Variants in IQANK1 observed in about 807,000 individuals in gnomAD.
IQANK1 encodes the protein IQ motif and ankyrin repeat containing 1.
A neutral mutation model predicts 22.6 loss-of-function variants in IQANK1; 30 were observed. The observed-to-expected ratio is 1.33, with a 90% CI of 0.99 to 1.80. IQANK1 has a LOEUF of 1.80. Among genes scored for constraint, IQANK1 ranks in the 40% most tolerant of loss-of-function variants. The pLI is 0.00. For synonymous variants in IQANK1, 122 were observed against 99.6 expected (o/e 1.23, Z -1.34); for missense variants, 275 against 235.2 (o/e 1.17, Z -1.11).
chr8:143,760,667 G>A (rs1819378677), intron 3 of IQANK1, among the ~76,000 whole-genome samples: 1 of 152,174 alleles, frequency 6.6e-6, no homozygotes, highest in Non-Finnish European at 1.5e-5. Context: ...GGGCGACAGA[G>A]GGAGACCCTG....
At chr8:143,776,291 G>A (rs1321319685) in intron 7 of IQANK1, among the ~76,000 whole-genome samples, 25 of 121,454 alleles carry the variant, frequency 2.1e-4, no homozygotes, top group African/African-American at 9.5e-4. Flanking sequence ...ACTGCAGTCC[G>A]CAGTCCGGCC....
At chr8:143,749,373 A>G (rs1259199119) in intron 3 of IQANK1, among the ~76,000 whole-genome samples, 1 of 131,798 alleles carries the variant, frequency 7.6e-6, no homozygotes, top group African/African-American at 3.0e-5. Context: ...ATATAAATAT[A>G]TATAAATATG....
intron 7 of IQANK1, among the ~76,000 whole-genome samples, chr8:143,772,966 C>G (rs1554629945): frequency 6.6e-6 from 1 of 152,224 alleles, no homozygotes; most frequent in African/African-American, 2.4e-5. Context: ...CACAGCCCAG[C>G]CACAGAGCTC....
intron 2 of IQANK1, among the ~76,000 whole-genome samples, chr8:143,738,164 C>G (rs1554625946): frequency 1.3e-5 from 2 of 152,136 alleles, no homozygotes; most frequent in South Asian, 2.1e-4. Context: ...GCCCTGCTGC[C>G]CAGCTGCCGG....
intron 3 of IQANK1, among the ~76,000 whole-genome samples, chr8:143,751,646 G>GTATATA (rs1554628040): frequency 3.7e-4 from 10 of 27,174 alleles, no homozygotes; most frequent in Non-Finnish European, 9.0e-4. Flanking sequence ...GTGTGTGTGT[G>GTATATA]TGTGTGTGTG....
At chr8:143,747,187 T>C (rs1280237762) in intron 3 of IQANK1, among the ~76,000 whole-genome samples, 1 of 152,228 alleles carries the variant, frequency 6.6e-6, no homozygotes, top group Non-Finnish European at 1.5e-5. Flanking sequence ...CCTATATTTT[T>C]TATTTCTATA....
chr8:143,780,076 A>G (rs113945544), intron 7 of IQANK1, among the ~76,000 whole-genome samples: 3,514 of 152,270 alleles, frequency 0.023, 151 homozygotes, highest in African/African-American at 0.079. Context: ...GGAAATACTC[A>G]TGTAGTAACT....
At chr8:143,767,829 G>C (rs943129631) in intron 3 of IQANK1, among the ~76,000 whole-genome samples, 6 of 147,454 alleles carry the variant, frequency 4.1e-5, no homozygotes, top group Admixed American at 2.0e-4. Flanking sequence ...AGCTTGCAGT[G>C]AGCCAAGATG....
intron 3 of IQANK1, among the ~76,000 whole-genome samples, chr8:143,766,532 G>A (rs923211728): frequency 5.3e-5 from 8 of 152,010 alleles, no homozygotes; most frequent in Non-Finnish European, 7.4e-5. Flanking sequence ...TTAGCCAGGC[G>A]TGGTGGTGGG....
At position 143,790,624 on chromosome 8, in the gene IQANK1, C is replaced by T; in HGVS notation, c.*16C>T. 2.5e-6 allele frequency: 1 copy of T among 398,712 alleles called. No individual in the cohort carries two copies. The allele number at this position is 398,712 out of a possible 1,614,324, so 24.7% of individuals were successfully genotyped here. A position where few individuals can be genotyped will look rare whatever the true frequency, so the allele number is the denominator to read the frequency against. On this transcript the variant is annotated 3_prime_UTR_variant, in exon 14 of 14. Coordinates refer to ENST00000527139, the MANE Select transcript of IQANK1 (RefSeq NM_001381874.1). ...AGGCCTCTAGTGCTGGCCCCAGTCCCAATAAAACGTGTGCCCCGGGGCGCG... is the reference window on the plus strand; with the variant it reads ...AGGCCTCTAGTGCTGGCCCCAGTCCTAATAAAACGTGTGCCCCGGGGCGCG...
chr8:143,785,797 G>A (rs1819874972), intron 7 of IQANK1, among the ~76,000 whole-genome samples: 1 of 150,988 alleles, frequency 6.6e-6, no homozygotes, highest in Non-Finnish European at 1.5e-5. Context: ...CACGATCTCA[G>A]CTCACTGCAA....
intron 3 of IQANK1, among the ~76,000 whole-genome samples, chr8:143,741,558 A>C (rs1554626497): frequency 6.6e-6 from 1 of 152,136 alleles, no homozygotes; most frequent in East Asian, 1.9e-4. Context: ...CTGGGAGTCT[A>C]TTTCAGGCAG....
At chr8:143,747,101 G>A (rs1274426033) in intron 3 of IQANK1, among the ~76,000 whole-genome samples, 4 of 151,988 alleles carry the variant, frequency 2.6e-5, no homozygotes, top group South Asian at 2.1e-4. Context: ...GGATGGTCTC[G>A]ATCTCCTGAC....
Position 143,736,036 on chromosome 8 carries a change from CCTT to C in IQANK1, c.85+103_85+105del. 3 of 663,976 alleles carry C rather than the reference CCTT, an allele frequency of 4.5e-6. No individual in the cohort carries two copies. In the East Asian group the frequency reaches 8.1e-5, roughly 18 times the overall value. 41.1% of individuals were successfully genotyped at this position (663,976 alleles called of 1,614,324 possible). ...GAGAGACACCCCCTCTGAGGAGAGC[CCTT>C]CTTCCAAGAGTGGCTTTTAGGGGAC... On this transcript the variant is annotated intron_variant, in intron 2 of 13. Transcript: ENST00000527139.
intron 2 of IQANK1, among the ~76,000 whole-genome samples, chr8:143,738,948 G>A (rs552985529): frequency 1.4e-4 from 21 of 152,270 alleles, no homozygotes; most frequent in Non-Finnish European, 2.8e-4. Flanking sequence ...CCAGGGACCC[G>A]GTGGGAGCTA....
At chr8:143,780,737 TTAGG>T (rs1554630854) in intron 7 of IQANK1, among the ~76,000 whole-genome samples, 2 of 152,196 alleles carry the variant, frequency 1.3e-5, no homozygotes, top group African/African-American at 4.8e-5. Flanking sequence ...TGATGGGCAT[TTAGG>T]TTGAGTCCAT....
intron 3 of IQANK1, among the ~76,000 whole-genome samples, chr8:143,755,101 C>T (rs577157654): frequency 9.2e-5 from 14 of 152,282 alleles, no homozygotes; most frequent in South Asian, 2.1e-4. Flanking sequence ...TAGAGCTTCC[C>T]CCACAGCACC....
intron 7 of IQANK1, among the ~76,000 whole-genome samples, chr8:143,779,893 C>T (rs797042527): frequency 1.3e-5 from 2 of 152,278 alleles, no homozygotes; most frequent in African/African-American, 4.8e-5. Flanking sequence ...AAATCATTGC[C>T]TCATTCGTAT....
Position 143,788,980 on chromosome 8 carries a change from G to T in IQANK1, c.855G>T (p.Met285Ile), listed in dbSNP as rs1386234385. Residue 285 changes from methionine (M) to isoleucine (I), a missense_variant, in exon 8 of 14, where the codon ATG (methionine) becomes ATT (isoleucine). Met to Ile is a conservative substitution (Grantham distance 10, BLOSUM62 1). Transcript: ENST00000527139. ...GGGACCTGAGCCTCACGGAGGCCAT[G>T]CTCCAGAACATGGAGGCTGAGCAGC... ...RSWDLSLTEA[M>I]LQNMEAEQQR... The T allele has an allele frequency of 1.0e-5, 4 of 399,468 alleles. No homozygotes were observed. The highest frequency in any genetic ancestry group is 1.8e-5 in the Non-Finnish European group (4 of 226,444). 24.7% of individuals were successfully genotyped at this position (399,468 alleles called of 1,614,324 possible).
Sources: gnomAD v4.1 joint callset for allele counts (sites outside exome capture counted in the v4.1 genomes callset) on GRCh38, gnomAD v4.1.1 for gene constraint, MANE v1.5 for transcripts, NCBI Gene and HGNC (gene_info 2026-07-23, HGNC 2026-07-21) for gene names.